Variants in MCCC2 observed in about 807,000 individuals in gnomAD.
The protein encoded by MCCC2 is methylcrotonoyl-CoA carboxylase beta chain, mitochondrial.
Under a neutral mutation model 77.2 loss-of-function variants are expected in MCCC2, and 52 were observed. That is an observed-to-expected ratio of 0.67 (90% CI 0.54 to 0.85). The LOEUF (loss-of-function observed/expected upper bound fraction) is 0.85, where lower values mean the gene tolerates loss of function less well. Ranked by LOEUF, MCCC2 falls within the 40% of genes least tolerant of loss-of-function variation. The pLI is 0.00. For synonymous variants in MCCC2, 253 were observed against 248.4 expected, an observed-to-expected ratio of 1.02 and a Z score of -0.18; for missense variants, 682 against 703.2, an observed-to-expected ratio of 0.97 and a Z score of 0.34.
chr5:71,618,703 A>G (rs1466177102), intron 6 of MCCC2, among the ~76,000 whole-genome samples: 1 of 152,054 alleles, frequency 6.6e-6, no homozygotes, highest in Non-Finnish European at 1.5e-5. Flanking sequence ...TTTTCTTTAT[A>G]AATTACTCAG....
intron 16 of MCCC2, 67 bp downstream of exon 16, chr5:71,652,821 A>T: frequency 1.5e-6 from 2 of 1,323,080 alleles, no homozygotes; most frequent in South Asian, 1.2e-5. Context: ...AGCTTTACAG[A>T]GCTCTGTGTA....
At position 71,656,954 on chromosome 5, in the gene MCCC2, C is replaced by A; in HGVS notation, c.*94C>A. On this transcript the variant is annotated 3_prime_UTR_variant, in exon 17 of 17. Coordinates refer to ENST00000340941, the MANE Select transcript of MCCC2 (RefSeq NM_022132.5). ...AGACTTCTCGAACATGAGGCTGTTA[C>A]AGTAATTTTTTTAACACTGTGCATT... 1.0e-6 allele frequency: 1 copy of A among 956,942 alleles called. No individual in the cohort carries two copies. Among genetic ancestry groups the A allele is most frequent in the Non-Finnish European group, 1.7e-6 (1 of 590,580 alleles). The allele number at this position is 956,942 out of a possible 1,614,324, so 59.3% of individuals were successfully genotyped here. A position where few individuals can be genotyped will look rare whatever the true frequency, so the allele number is the denominator to read the frequency against.
intron 6 of MCCC2, among the ~76,000 whole-genome samples, chr5:71,615,847 C>T (rs2112378755): frequency 6.6e-6 from 1 of 152,058 alleles, no homozygotes; most frequent in African/African-American, 2.4e-5. Context: ...CTTGGAATTT[C>T]CTGGGTGATA....
intron 6 of MCCC2, among the ~76,000 whole-genome samples, chr5:71,615,665 TAAGTTTCTG>T (rs1283960325): frequency 2.6e-5 from 4 of 152,244 alleles, no homozygotes; most frequent in Admixed American, 6.5e-5. Flanking sequence ...AAAATCCTCA[TAAGTTTCTG>T]AGCAGTAGGG....
intron 13 of MCCC2, among the ~76,000 whole-genome samples, chr5:71,647,147 A>G (rs1236316028): frequency 6.6e-6 from 1 of 152,118 alleles, no homozygotes; most frequent in Non-Finnish European, 1.5e-5. Context: ...GCACTCAGAT[A>G]TGTTGGTTAG....
intron 2 of MCCC2, 73 bp downstream of exon 2, chr5:71,593,065 A>C (rs1435813895): frequency 7.7e-7 from 1 of 1,292,172 alleles, no homozygotes; most frequent in African/African-American, 1.5e-5. Context: ...CTTTTAGGAA[A>C]AATACTGGAA....
At chr5:71,631,640 A>G (rs1746717547) in intron 7 of MCCC2, among the ~76,000 whole-genome samples, 1 of 148,384 alleles carries the variant, frequency 6.7e-6, no homozygotes, top group African/African-American at 2.5e-5. Flanking sequence ...TCCCGGGTTC[A>G]CGCCATTCTC....
chr5:71,619,495 A>G (rs992593435), intron 6 of MCCC2, among the ~76,000 whole-genome samples: 1 of 151,940 alleles, frequency 6.6e-6, no homozygotes, highest in African/African-American at 2.4e-5. Flanking sequence ...GGGCTCAGGG[A>G]ATCTTTCTGC....
intron 6 of MCCC2, among the ~76,000 whole-genome samples, chr5:71,610,941 A>T (rs1373793323): frequency 6.6e-6 from 1 of 152,216 alleles, no homozygotes; most frequent in Non-Finnish European, 1.5e-5. Flanking sequence ...AGCTGAGATC[A>T]TGCCACTGCA....
chr5:71,657,003 C>T lies in MCCC2; in HGVS notation c.*143C>T. Reference sequence around the variant, plus strand: ...TTGTACTTTTCTACCTTAAAAAAATCAGTGAGGATATTTATTTAATGAACA... The same window carrying T: ...TTGTACTTTTCTACCTTAAAAAAATTAGTGAGGATATTTATTTAATGAACA... On this transcript the variant is annotated 3_prime_UTR_variant, in exon 17 of 17. Coordinates refer to ENST00000340941, the MANE Select transcript of MCCC2 (RefSeq NM_022132.5). The T allele has an allele frequency of 1.5e-6, 1 of 646,740 alleles. No homozygotes were observed. Among genetic ancestry groups the T allele is most frequent in the South Asian group, 1.7e-5 (1 of 57,474 alleles). The allele number at this position is 646,740 out of a possible 1,614,324, so 40.1% of individuals were successfully genotyped here.
rs1410479577 is a variant in MCCC2, at chr5:71,658,335, G to T, written c.*1475G>T. 1 of 152,176 alleles carries T rather than the reference G, an allele frequency of 6.6e-6. No individual in the cohort carries two copies. The highest frequency in any genetic ancestry group is 1.5e-5 in the Non-Finnish European group (1 of 68,066). The allele number at this position is 152,176 out of a possible 1,614,324, so 9.4% of individuals were successfully genotyped here. A position where few individuals can be genotyped will look rare whatever the true frequency, so the allele number is the denominator to read the frequency against. ...TTCTTCAACACATCCTTCAGTTTAA[G>T]CACTTGCTTCTCTCAGTTTAAACTC... is the stretch of plus-strand genomic sequence containing the variant. On this transcript the variant is annotated 3_prime_UTR_variant, in exon 17 of 17. Transcript: ENST00000340941.
intron 8 of MCCC2, among the ~76,000 whole-genome samples, chr5:71,633,130 TATTTTTA>T (rs1561841486): frequency 5.4e-5 from 5 of 93,122 alleles, no homozygotes; most frequent in African/African-American, 2.1e-4. Flanking sequence ...TATATATATA[TATTTTTA>T]TTTTTTGTAG....
intron 12 of MCCC2, among the ~76,000 whole-genome samples, chr5:71,645,266 C>T (rs1346999496): frequency 2.0e-5 from 3 of 152,128 alleles, no homozygotes; most frequent in African/African-American, 4.8e-5. Flanking sequence ...TTCTTGTAAA[C>T]GTAGTCATAT....
chr5:71,637,723 AC>A (rs1746977786), intron 10 of MCCC2, among the ~76,000 whole-genome samples: 1 of 152,034 alleles, frequency 6.6e-6, no homozygotes, highest in South Asian at 2.1e-4. Flanking sequence ...CCAGGGTAGA[AC>A]TTTGTTTTTT....
intron 6 of MCCC2, among the ~76,000 whole-genome samples, chr5:71,622,270 TA>T (rs34090014): frequency 3.4e-5 from 5 of 147,868 alleles, no homozygotes; most frequent in East Asian, 2.0e-4. Context: ...CCATCTCTAC[TA>T]AAAAAAAAAC....
intron 15 of MCCC2, among the ~76,000 whole-genome samples, chr5:71,652,177 A>C (rs866730391): frequency 6.6e-6 from 1 of 152,194 alleles, no homozygotes; most frequent in African/African-American, 2.4e-5. Context: ...TGAAATTCTT[A>C]ATTAGGGGAA....
intron 4 of MCCC2, among the ~76,000 whole-genome samples, chr5:71,601,044 G>C (rs1745408978): frequency 6.6e-6 from 1 of 152,164 alleles, no homozygotes; most frequent in African/African-American, 2.4e-5. Context: ...AGTCCTACTT[G>C]AGCCACCTGG....
chr5:71,641,646 T>C (rs1055526752), intron 11 of MCCC2, among the ~76,000 whole-genome samples: 3 of 152,248 alleles, frequency 2.0e-5, no homozygotes, highest in Non-Finnish European at 2.9e-5. Context: ...GTTTAGTTTA[T>C]AGGCCTTTGA....
intron 8 of MCCC2, among the ~76,000 whole-genome samples, chr5:71,634,144 A>T (rs1746837171): frequency 6.6e-6 from 1 of 152,204 alleles, no homozygotes; most frequent in Non-Finnish European, 1.5e-5. Context: ...TTTTTCAGGT[A>T]TGTATTTTTG....
Sources: gnomAD v4.1 joint callset for allele counts (sites outside exome capture counted in the v4.1 genomes callset) on GRCh38, gnomAD v4.1.1 for gene constraint, MANE v1.5 for transcripts, NCBI Gene and HGNC (gene_info 2026-07-23, HGNC 2026-07-21) for gene names.